The following NCOR1 variants were observed in gnomAD, a reference collection of about 807,000 sequenced individuals.
NCOR1 encodes the protein nuclear receptor corepressor 1.
Under a neutral mutation model 288.1 loss-of-function variants are expected in NCOR1, and 63 were observed. The ratio of observed to expected loss-of-function variants is 0.22; its 90% confidence interval spans 0.18 to 0.27. The LOEUF (loss-of-function observed/expected upper bound fraction) is 0.27. Ranked by LOEUF, NCOR1 falls within the 10% of genes least tolerant of loss-of-function variation. The pLI is 1.00. For missense variants in NCOR1, 2,397 were observed against 3,019.2 expected, an observed-to-expected ratio of 0.79 and a Z score of 4.83; for synonymous variants, 1,007 against 1,065.9, an observed-to-expected ratio of 0.94 and a Z score of 1.08.
intron 42 of NCOR1, among the ~76,000 whole-genome samples, chr17:16,041,424 C>CTTTTT (rs2057575771): frequency 2.2e-5 from 1 of 46,244 alleles, no homozygotes; most frequent in Non-Finnish European, 5.0e-5. Flanking sequence ...TTTTTTTTTC[C>CTTTTT]TTTGAGATGG....
At chr17:16,203,905 A>G (rs1347639659) in intron 1 of NCOR1, among the ~76,000 whole-genome samples, 1 of 152,212 alleles carries the variant, frequency 6.6e-6, no homozygotes, top group Non-Finnish European at 1.5e-5. Flanking sequence ...AGTATTCCCA[A>G]TCAATATTCA....
intron 32 of NCOR1, among the ~76,000 whole-genome samples, chr17:16,066,801 C>T (rs1430192519): frequency 6.6e-6 from 1 of 152,134 alleles, no homozygotes; most frequent in Non-Finnish European, 1.5e-5. Context: ...AGTTACTTTC[C>T]TATTATTATG....
chr17:16,121,527 G>C (rs2073020037), intron 15 of NCOR1, among the ~76,000 whole-genome samples: 1 of 152,014 alleles, frequency 6.6e-6, no homozygotes, highest in Admixed American at 6.6e-5. Flanking sequence ...AACTGATTTA[G>C]AAACCAGAAC....
In NCOR1 at chr17:16,127,331, A is replaced by ATG. The variant is rs1237017137; in HGVS notation, c.1510-1126_1510-1125insCA. ...TATACATGTATGTATATATGTATGTATATATACATGTATGTATATATGTAT... is the reference window on the plus strand; with the variant it reads ...TATACATGTATGTATATATGTATGTATGTATATACATGTATGTATATATGTAT... On this transcript the variant is annotated intron_variant, in intron 14 of 45. Transcript: ENST00000268712. 7.8e-5 allele frequency among the ~76,000 whole-genome samples: 4 copies of ATG among 51,032 alleles called. 2 individuals carry two copies. Among genetic ancestry groups the ATG allele is most frequent in the Non-Finnish European group, 2.4e-4 (4 of 16,562 alleles). 33.5% of individuals were successfully genotyped at this position (51,032 alleles called of 152,430 possible). A position where few individuals can be genotyped will look rare whatever the true frequency, so the allele number is the denominator to read the frequency against.
intron 6 of NCOR1, among the ~76,000 whole-genome samples, chr17:16,157,097 A>T (rs565131019): frequency 3.5e-4 from 53 of 152,246 alleles, no homozygotes; most frequent in African/African-American, 1.1e-3. Context: ...GAGCCCACAA[A>T]AGTGTTTTGC....
In NCOR1 at chr17:16,030,213, GA is replaced by G; in HGVS notation, c.*2082del. 1 of 228,124 alleles carries G rather than the reference GA, an allele frequency of 4.4e-6. No homozygotes were observed. Among genetic ancestry groups the G allele is most frequent in the Non-Finnish European group, 8.6e-6 (1 of 116,740 alleles). The allele number at this position is 228,124 out of a possible 1,614,324, so 14.1% of individuals were successfully genotyped here. On this transcript the variant is annotated 3_prime_UTR_variant, in exon 46 of 46. Coordinates refer to ENST00000268712, the MANE Select transcript of NCOR1 (RefSeq NM_006311.4). ...AAATATATTTACTATTCATTAAGTG[GA>G]AGTGGATCATCATGAAGGTCTTCAT...
At chr17:16,210,660 T>G (rs2153618733) in intron 1 of NCOR1, among the ~76,000 whole-genome samples, 2 of 152,310 alleles carry the variant, frequency 1.3e-5, no homozygotes, top group South Asian at 4.1e-4. Flanking sequence ...AATTTAATAT[T>G]AAGAAGTATC....
chr17:16,191,964 T>G (rs916658008), intron 2 of NCOR1: 2 of 151,400 alleles, frequency 1.3e-5, no homozygotes, highest in Non-Finnish European at 2.9e-5. Flanking sequence ...GTTCAGCATT[T>G]ATATGATGAC....
At chr17:16,102,160 T>C (rs2153003597) in intron 19 of NCOR1, among the ~76,000 whole-genome samples, 2 of 152,344 alleles carry the variant, frequency 1.3e-5, no homozygotes, top group East Asian at 3.9e-4. Context: ...CCAGCTGAAC[T>C]GACACTCTAG....
At chr17:16,211,979 TATAAG>T (rs1279373095) in intron 1 of NCOR1, among the ~76,000 whole-genome samples, 1 of 152,172 alleles carries the variant, frequency 6.6e-6, no homozygotes, top group Non-Finnish European at 1.5e-5. Flanking sequence ...AAGGACCAAA[TATAAG>T]ATAATCTATA....
chr17:16,151,691 T>C lies in NCOR1; in HGVS notation c.842+255A>G, dbSNP rs1194500872. 2.4e-6 allele frequency: 3 copies of C among 1,255,256 alleles called. No individual in the cohort carries two copies. The East Asian group carries it at 9.3e-5, about 39-fold the overall frequency. 77.8% of individuals were successfully genotyped at this position (1,255,256 alleles called of 1,614,324 possible). On this transcript the variant is annotated intron_variant, in intron 8 of 45. Coordinates refer to ENST00000268712, the MANE Select transcript of NCOR1 (RefSeq NM_006311.4). ...CCATTTCAATGTTAAGTATCCACCT[T>C]TTTTACTAGCAGATTATAAAACCAG...
At chr17:16,127,569 GTATA>G (rs374200965) in intron 14 of NCOR1, among the ~76,000 whole-genome samples, 5 of 121,394 alleles carry the variant, frequency 4.1e-5, no homozygotes, top group Admixed American at 2.4e-4. Flanking sequence ...ATATATGTAT[GTATA>G]TATACATATG....
At chr17:16,145,049 G>A (rs1010761946) in intron 10 of NCOR1, among the ~76,000 whole-genome samples, 1 of 152,208 alleles carries the variant, frequency 6.6e-6, no homozygotes, top group African/African-American at 2.4e-5. Flanking sequence ...GCAGGTGCAC[G>A]CCACCACGCC....
intron 15 of NCOR1, among the ~76,000 whole-genome samples, chr17:16,122,219 G>A (rs1221874079): frequency 6.6e-6 from 1 of 152,110 alleles, no homozygotes. Flanking sequence ...TTATATTTAA[G>A]GAAACGTACT....
chr17:16,215,187 G>C (rs1010436235), intron 1 of NCOR1, among the ~76,000 whole-genome samples, 175 bp downstream of exon 1: 1 of 152,008 alleles, frequency 6.6e-6, no homozygotes, highest in Non-Finnish European at 1.5e-5. Flanking sequence ...CTCTCTCCTG[G>C]GCTGCCGAGT....
At chr17:16,152,784 T>G (rs929985767) in intron 7 of NCOR1, among the ~76,000 whole-genome samples, 5 of 152,168 alleles carry the variant, frequency 3.3e-5, no homozygotes, top group African/African-American at 1.2e-4. Flanking sequence ...TGTAAAAGCA[T>G]TCCTATTTCT....
intron 1 of NCOR1, among the ~76,000 whole-genome samples, chr17:16,212,817 A>ATGAT (rs2092258633): frequency 6.6e-6 from 1 of 152,000 alleles, no homozygotes; most frequent in Non-Finnish European, 1.5e-5. Flanking sequence ...CACCCCTATC[A>ATGAT]TCCTAGCACT....
chr17:16,073,699 A>C, intron 27 of NCOR1, 130 bp from the exon 28 acceptor site: 1 of 687,636 alleles, frequency 1.5e-6, no homozygotes. Context: ...ACAATAAAAT[A>C]TGTGTAGATG....
chr17:16,193,150 C>A (rs879926584), intron 2 of NCOR1, among the ~76,000 whole-genome samples: 2 of 151,992 alleles, frequency 1.3e-5, no homozygotes, highest in Non-Finnish European at 2.9e-5. Context: ...ATGACTTTGT[C>A]AAAATTTGTT....
Sources: gnomAD v4.1 joint callset for allele counts (sites outside exome capture counted in the v4.1 genomes callset) on GRCh38, gnomAD v4.1.1 for gene constraint, MANE v1.5 for transcripts, NCBI Gene and HGNC (gene_info 2026-07-23, HGNC 2026-07-21) for gene names.